DRC5: variants seen among roughly 807,000 people sequenced by gnomAD.
DRC5 encodes the protein T-complex-associated testis-expressed protein 1.
At chr6:44,294,490 G>A in the DRC5 span, among the ~76,000 whole-genome samples, 119 of 151,924 alleles carry the variant, frequency 7.8e-4, no homozygotes, top group African/African-American at 2.7e-3. Flanking sequence ...CATGCCTGTA[G>A]TCTTAGCACT....
chr6:44,282,225 G>A, the DRC5 span: 44 of 1,614,108 alleles, frequency 2.7e-5, no homozygotes, highest in Admixed American at 1.8e-4. Context: ...GAGGTGCAGC[G>A]TGGTGAGGCA....
chr6:44,290,482 A>G, the DRC5 span, among the ~76,000 whole-genome samples: 1 of 152,122 alleles, frequency 6.6e-6, no homozygotes, highest in Non-Finnish European at 1.5e-5. Context: ...CTGACCTGAG[A>G]TGGTATCTTT....
the DRC5 span, chr6:44,280,194 T>G: frequency 1.2e-6 from 2 of 1,613,942 alleles, no homozygotes; most frequent in Non-Finnish European, 1.7e-6. Context: ...TCCCACAGAG[T>G]TCTCAGGGCC....
At chr6:44,282,367 G>A in the DRC5 span, 23 of 1,614,204 alleles carry the variant, frequency 1.4e-5, no homozygotes, top group African/African-American at 1.2e-4. Flanking sequence ...CCGGGTGCAC[G>A]CACCTGGTTG....
At chr6:44,281,478 G>A in the DRC5 span, among the ~76,000 whole-genome samples, 2 of 152,160 alleles carry the variant, frequency 1.3e-5, no homozygotes, top group Non-Finnish European at 2.9e-5. Flanking sequence ...TCCGCCTCCT[G>A]GGTTCAAGCA....
the DRC5 span, among the ~76,000 whole-genome samples, chr6:44,288,399 A>G: frequency 1.3e-5 from 2 of 152,176 alleles, no homozygotes; most frequent in African/African-American, 2.4e-5. Flanking sequence ...GACTTGCCCA[A>G]TGTCATGCAG....
At chr6:44,290,107 C>A in the DRC5 span, among the ~76,000 whole-genome samples, 3 of 152,172 alleles carry the variant, frequency 2.0e-5, no homozygotes, top group Admixed American at 1.3e-4. Flanking sequence ...CAAATTCACA[C>A]ACAGATTGTG....
At chr6:44,282,665 G>A in the DRC5 span, 10 of 919,742 alleles carry the variant, frequency 1.1e-5, no homozygotes, top group African/African-American at 1.6e-5. Context: ...CACCTGGCTG[G>A]GTCTTGGAGG....
the DRC5 span, chr6:44,281,985 A>C: frequency 1.1e-6 from 1 of 897,070 alleles, no homozygotes; most frequent in East Asian, 2.7e-5. Flanking sequence ...TGGGATACAC[A>C]GTATGTGTGC....
the DRC5 span, among the ~76,000 whole-genome samples, chr6:44,281,021 C>CTGTG: frequency 2.6e-5 from 4 of 151,238 alleles, no homozygotes; most frequent in Admixed American, 6.6e-5. Context: ...CCTCTAGAAA[C>CTGTG]TGTGTGTGTG....
the DRC5 span, among the ~76,000 whole-genome samples, chr6:44,282,831 C>A: frequency 1.7e-5 from 2 of 117,466 alleles, no homozygotes; most frequent in South Asian, 2.8e-4. Context: ...GAGACGGAGT[C>A]TCGCTCTGTC....
chr6:44,294,950 G>A, the DRC5 span, among the ~76,000 whole-genome samples: 1 of 152,136 alleles, frequency 6.6e-6, no homozygotes, highest in Non-Finnish European at 1.5e-5. Context: ...AGCTGAGGGT[G>A]CAAGTAGGTG....
chr6:44,293,042 TCA>T, the DRC5 span, among the ~76,000 whole-genome samples: 2 of 152,136 alleles, frequency 1.3e-5, no homozygotes, highest in African/African-American at 2.4e-5. Flanking sequence ...ACCAAAAGGC[TCA>T]CAGTTTGGTG....
the DRC5 span, chr6:44,282,049 C>A: frequency 6.7e-7 from 1 of 1,495,462 alleles, no homozygotes; most frequent in East Asian, 2.3e-5. Flanking sequence ...AATTATCCCA[C>A]AAGTACCCCT....
the DRC5 span, among the ~76,000 whole-genome samples, chr6:44,285,432 C>T: frequency 3.4e-4 from 52 of 152,282 alleles, 1 homozygote; most frequent in East Asian, 8.3e-3. Context: ...TTTTGTAACC[C>T]AGGCTGGAGT....
chr6:44,286,067 T>A, the DRC5 span: 1 of 1,614,098 alleles, frequency 6.2e-7, no homozygotes, highest in South Asian at 1.1e-5. Context: ...GTCCTTGACA[T>A]CGTACACCAG....
chr6:44,287,798 A>G, the DRC5 span: 990 of 1,614,138 alleles, frequency 6.1e-4, 11 homozygotes, highest in African/African-American at 0.012. Context: ...GGGTCCAACA[A>G]TGCTGATGTC....
chr6:44,288,313 C>T, the DRC5 span, among the ~76,000 whole-genome samples: 1 of 152,090 alleles, frequency 6.6e-6, no homozygotes, highest in South Asian at 2.1e-4. Flanking sequence ...AAGCCTTTTT[C>T]AGAAAAGGCT....
At chr6:44,286,071 A>G in the DRC5 span, 1 of 1,614,150 alleles carries the variant, frequency 6.2e-7, no homozygotes, top group South Asian at 1.1e-5. Flanking sequence ...TTGACATCGT[A>G]CACCAGGTCC....
Sources: gnomAD v4.1 joint callset for allele counts (sites outside exome capture counted in the v4.1 genomes callset) on GRCh38, gnomAD v4.1.1 for gene constraint, MANE v1.5 for transcripts, NCBI Gene and HGNC (gene_info 2026-07-23, HGNC 2026-07-21) for gene names.